UGT1A8: variants seen among roughly 807,000 people sequenced by gnomAD.
The protein encoded by UGT1A8 is UDP-glucuronosyltransferase 1A8.
UGT1A8 carries 39 observed loss-of-function variants against 45.3 expected under a neutral mutation model. The observed-to-expected ratio is 0.86, with a 90% CI of 0.67 to 1.12. The LOEUF (loss-of-function observed/expected upper bound fraction) is 1.12, where lower values mean the gene tolerates loss of function less well. UGT1A8 is among the 50% of genes most tolerant of loss of function. The pLI is 0.00. For missense variants in UGT1A8, 719 were observed against 664.9 expected (o/e 1.08, Z -0.90); for synonymous variants, 275 against 249.2 (o/e 1.10, Z -0.97).
At chr2:233,721,695 A>G (rs928458069) in intron 1 of UGT1A8, 3 of 356,024 alleles carry the variant, frequency 8.4e-6, no homozygotes, top group African/African-American at 6.4e-5. Context: ...TGCAAGACGC[A>G]TGGCTCATCT....
intron 1 of UGT1A8, among the ~76,000 whole-genome samples, chr2:233,705,007 G>A (rs2075816854): frequency 6.6e-6 from 1 of 152,012 alleles, no homozygotes; most frequent in South Asian, 2.1e-4. Flanking sequence ...ATGGTGGCAG[G>A]CGCCTGTAAT....
At chr2:233,621,246 T>G (rs1276186092) in intron 1 of UGT1A8, among the ~76,000 whole-genome samples, 2 of 152,182 alleles carry the variant, frequency 1.3e-5, no homozygotes, top group Non-Finnish European at 2.9e-5. Flanking sequence ...GTGTGTTGAT[T>G]AAAGATGTGT....
intron 1 of UGT1A8, chr2:233,755,218 C>A (rs1203897935): frequency 2.4e-5 from 25 of 1,027,326 alleles, no homozygotes; most frequent in Non-Finnish European, 3.5e-5. Flanking sequence ...TTCTTGATAC[C>A]CTCGGACGAG....
intron 1 of UGT1A8, chr2:233,760,299 G>A (rs781590934): frequency 6.2e-7 from 1 of 1,613,582 alleles, no homozygotes. Context: ...TGGCTGTGGA[G>A]TCCCAGGGCG....
chr2:233,747,087 G>A, intron 1 of UGT1A8: 5 of 1,192,212 alleles, frequency 4.2e-6, no homozygotes, highest in Non-Finnish European at 5.8e-6. Flanking sequence ...TAGGAGGAGA[G>A]CACTCTATCT....
In UGT1A8 at chr2:233,769,480, C is replaced by T. The variant is rs1027796566; in HGVS notation, c.1295+1041C>T. 1.4e-5 allele frequency: 23 copies of T among 1,596,558 alleles called. No homozygotes were observed. Among genetic ancestry groups the T allele is most frequent in the African/African-American group, 1.3e-4 (10 of 74,384 alleles). ...ATTCATATGCGTGTGTGTGTGTGTGCGTGTGTTTATGAGAGTGTCCATTGC... is the reference window on the plus strand; with the variant it reads ...ATTCATATGCGTGTGTGTGTGTGTGTGTGTGTTTATGAGAGTGTCCATTGC... On this transcript the variant is annotated intron_variant, in intron 4 of 4. Coordinates refer to ENST00000373450, the MANE Select transcript of UGT1A8 (RefSeq NM_019076.5). The surrounding 1 kb of genome is among the most constrained non-coding windows in gnomAD (Gnocchi z 4.4).
intron 1 of UGT1A8, among the ~76,000 whole-genome samples, chr2:233,650,028 T>C (rs1404496370): frequency 6.6e-6 from 1 of 152,164 alleles, no homozygotes; most frequent in Admixed American, 6.5e-5. Flanking sequence ...TGGGGTGCAA[T>C]GGTGCGATCT....
intron 1 of UGT1A8, among the ~76,000 whole-genome samples, chr2:233,671,124 G>T (rs2074179275): frequency 1.3e-5 from 2 of 152,212 alleles, no homozygotes; most frequent in Non-Finnish European, 2.9e-5. Flanking sequence ...AGCAGACTGA[G>T]AGAGACAAGT....
At chr2:233,709,068 C>G (rs1483452630) in intron 1 of UGT1A8, among the ~76,000 whole-genome samples, 3 of 152,116 alleles carry the variant, frequency 2.0e-5, no homozygotes, top group Non-Finnish European at 4.4e-5. Flanking sequence ...AGTTAAAGTT[C>G]TTCTGCCTCA....
intron 1 of UGT1A8, among the ~76,000 whole-genome samples, chr2:233,685,318 CCA>C (rs1575434603): frequency 6.6e-6 from 1 of 152,224 alleles, no homozygotes; most frequent in East Asian, 1.9e-4. Context: ...CAGGTGTGAA[CCA>C]CCACACCCGG....
chr2:233,710,054 G>T (rs2076107374), intron 1 of UGT1A8, among the ~76,000 whole-genome samples: 1 of 152,154 alleles, frequency 6.6e-6, no homozygotes, highest in South Asian at 2.1e-4. Flanking sequence ...TCTTTGGCTC[G>T]GCATAATGTC....
At chr2:233,633,856 G>T (rs1373535458) in intron 1 of UGT1A8, among the ~76,000 whole-genome samples, 1 of 152,028 alleles carries the variant, frequency 6.6e-6, no homozygotes, top group Non-Finnish European at 1.5e-5. Flanking sequence ...GCTAGCTTTT[G>T]AATTTGTTTG....
chr2:233,673,845 A>G (rs1298635011), intron 1 of UGT1A8, among the ~76,000 whole-genome samples: 1 of 152,208 alleles, frequency 6.6e-6, no homozygotes, highest in Non-Finnish European at 1.5e-5. Flanking sequence ...TAGATGTACA[A>G]TATACAATGT....
chr2:233,724,971 C>T (rs1371769482), intron 1 of UGT1A8, among the ~76,000 whole-genome samples: 9 of 135,368 alleles, frequency 6.6e-5, no homozygotes, highest in African/African-American at 2.7e-4. Context: ...CCGAGGTTGG[C>T]GGATCACTCG....
intron 1 of UGT1A8, among the ~76,000 whole-genome samples, chr2:233,716,226 A>G (rs1309299393): frequency 1.3e-5 from 2 of 152,106 alleles, no homozygotes; most frequent in African/African-American, 4.8e-5. Context: ...AGCCCTTGTG[A>G]TTACATTGTC....
rs969396704 is a variant in UGT1A8 at position 233,741,897 on chromosome 2, C to A, written c.856-25137C>A. On this transcript the variant is annotated intron_variant, in intron 1 of 4. Coordinates refer to ENST00000373450, the MANE Select transcript of UGT1A8 (RefSeq NM_019076.5). ...AGAGGTGACCCTAGAAGAAGGGACC[C>A]TTTGTGATGGAAAAGGTCTTCATTT... 18 of 151,852 alleles carry A rather than the reference C, an allele frequency of 1.2e-4. 1 individual carries two copies. Among genetic ancestry groups the A allele is most frequent in the African/African-American group, 4.1e-4 (17 of 41,132 alleles). The allele number at this position is 151,852 out of a possible 1,614,324, so 9.4% of individuals were successfully genotyped here. A position where few individuals can be genotyped will look rare whatever the true frequency, so the allele number is the denominator to read the frequency against.
intron 1 of UGT1A8, among the ~76,000 whole-genome samples, chr2:233,748,662 A>G (rs1454000356): frequency 4.0e-5 from 6 of 151,710 alleles, no homozygotes; most frequent in Non-Finnish European, 8.8e-5. Flanking sequence ...TTCAGTTTCC[A>G]GAGAGGGATC....
intron 1 of UGT1A8, among the ~76,000 whole-genome samples, chr2:233,667,870 A>G (rs1223864564): frequency 6.6e-6 from 1 of 152,260 alleles, no homozygotes; most frequent in African/African-American, 2.4e-5. Flanking sequence ...ATCATTAAAA[A>G]GTCAGGAAAC....
intron 1 of UGT1A8, among the ~76,000 whole-genome samples, chr2:233,642,949 GAC>G (rs1270529596): frequency 6.6e-6 from 1 of 152,108 alleles, no homozygotes; most frequent in African/African-American, 2.4e-5. Flanking sequence ...GGGGTGGAGT[GAC>G]ACAAGCATCC....
Sources: gnomAD v4.1 joint callset for allele counts (sites outside exome capture counted in the v4.1 genomes callset) on GRCh38, gnomAD v4.1.1 for gene constraint, Gnocchi (gnomAD v3.1) non-coding constraint, MANE v1.5 for transcripts, NCBI Gene and HGNC (gene_info 2026-07-23, HGNC 2026-07-21) for gene names.